Variants in TANC1 observed in about 807,000 individuals in gnomAD.
TANC1 encodes tetratricopeptide repeat, ankyrin repeat and coiled-coil containing 1, also known as protein TANC1.
A neutral mutation model predicts 149.7 loss-of-function variants in TANC1; 77 were observed. That is an observed-to-expected ratio of 0.51 (90% CI 0.43 to 0.62). The LOEUF is 0.62. Ranked by LOEUF, TANC1 falls within the 20% of genes least tolerant of loss-of-function variation. The pLI is 0.00. For synonymous variants in TANC1, 854 were observed against 925.0 expected (o/e 0.92, Z 1.39); for missense variants, 1,985 against 2,321.8 (o/e 0.85, Z 2.98).
chr2:159,125,463 A>G (rs2150122920), intron 4 of TANC1, among the ~76,000 whole-genome samples: 1 of 152,310 alleles, frequency 6.6e-6, no homozygotes, highest in Non-Finnish European at 1.5e-5. Flanking sequence ...TCAAGACGGT[A>G]GCAGGGTGGT....
chr2:159,159,703 TGTGTGTGTGTGTGTGAGAGAGAGAGA>T (rs2053815084), intron 7 of TANC1, among the ~76,000 whole-genome samples: 1 of 62,184 alleles, frequency 1.6e-5, no homozygotes, highest in Non-Finnish European at 3.6e-5. Context: ...TGTGTGTGTG[TGTGTGTGTGTGTGTGAGAGAGAGAGA>T]GAGAGAGAGA....
chr2:159,020,124 A>T (rs2038694523), intron 2 of TANC1, among the ~76,000 whole-genome samples: 2 of 151,820 alleles, frequency 1.3e-5, no homozygotes, highest in Admixed American at 6.6e-5. Context: ...TTTATTTTTT[A>T]TTTTTATTTT....
rs141840812 is a variant in TANC1, at chr2:159,127,006, C to T, written c.260-9188C>T. On this transcript the variant is annotated intron_variant, in intron 4 of 26. Coordinates refer to ENST00000263635, the MANE Select transcript of TANC1 (RefSeq NM_033394.3). ...GAAAGCAGAAATGTTACTCAAGTTA[C>T]TTTGTTGTACTAGGAGCTTATTGTA... 6.2e-3 allele frequency among the ~76,000 whole-genome samples: 947 copies of T among 152,320 alleles called. 3 individuals are homozygous for T. The highest frequency in any genetic ancestry group is 9.1e-3 in the Non-Finnish European group (622 of 68,022).
intron 22 of TANC1, 35 bp from the exon 23 acceptor site, chr2:159,224,197 C>A: frequency 6.2e-7 from 1 of 1,612,776 alleles, no homozygotes; most frequent in South Asian, 1.1e-5. Context: ...AACTCCTGTT[C>A]CCAGCTGCTG....
At chr2:159,018,380 T>C (rs778912629) in intron 2 of TANC1, among the ~76,000 whole-genome samples, 13 of 152,326 alleles carry the variant, frequency 8.5e-5, no homozygotes, top group South Asian at 2.1e-4. Context: ...CATGAACTTA[T>C]AGTGCATTGG....
chr2:159,008,607 G>A (rs1160008409), intron 2 of TANC1, among the ~76,000 whole-genome samples: 1 of 152,134 alleles, frequency 6.6e-6, no homozygotes, highest in Non-Finnish European at 1.5e-5. Flanking sequence ...GACCATGAGA[G>A]GATTTTTTCT....
intron 2 of TANC1, among the ~76,000 whole-genome samples, chr2:159,034,306 G>T (rs2040010367): frequency 6.6e-6 from 1 of 152,064 alleles, no homozygotes; most frequent in Admixed American, 6.5e-5. Flanking sequence ...TCTCTTCCCT[G>T]GTCCATTTGC....
chr2:159,174,708 A>T (rs928025300), intron 11 of TANC1, among the ~76,000 whole-genome samples: 19 of 152,354 alleles, frequency 1.2e-4, no homozygotes, highest in Admixed American at 1.2e-3. Flanking sequence ...AAAAATAAAA[A>T]AATAACTTGT....
At chr2:159,083,698 A>T (rs1247535526) in intron 3 of TANC1, among the ~76,000 whole-genome samples, 1 of 152,230 alleles carries the variant, frequency 6.6e-6, no homozygotes, top group Non-Finnish European at 1.5e-5. Context: ...CTCTTTTCCC[A>T]GAGTAACACT....
chr2:159,131,558 C>T (rs1247775988), intron 4 of TANC1, among the ~76,000 whole-genome samples: 5 of 144,766 alleles, frequency 3.5e-5, no homozygotes, highest in Non-Finnish European at 7.6e-5. Context: ...CTTTCTGCTC[C>T]ACCTGCTCCA....
intron 2 of TANC1, among the ~76,000 whole-genome samples, chr2:159,025,189 T>TTTTCTCTCTTTCTTTCTTTC (rs2039185631): frequency 9.5e-6 from 1 of 105,220 alleles, no homozygotes; most frequent in East Asian, 2.7e-4. Flanking sequence ...TTTTTCTTTC[T>TTTTCTCTCTTTCTTTCTTTC]TTTCTTTCTT....
rs112633380 is a variant in TANC1 at position 159,056,866 on chromosome 2, T to G, written c.-15-9030T>G. 45 of 311,766 alleles carry G rather than the reference T, an allele frequency of 1.4e-4. 1 individual carries two copies. The highest frequency in any genetic ancestry group is 8.9e-4 in the African/African-American group (42 of 47,244). 19.3% of individuals were successfully genotyped at this position (311,766 alleles called of 1,614,324 possible). On this transcript the variant is annotated intron_variant, in intron 2 of 26. Coordinates refer to ENST00000263635, the MANE Select transcript of TANC1 (RefSeq NM_033394.3). The stretch of plus-strand genomic sequence containing the variant: ...AGCCATTGGCTTCAATCATAGGAGT[T>G]TCCTGGCATGTGTACCATTTCTCCT...
chr2:159,169,496 T>C, intron 9 of TANC1, 124 bp downstream of exon 9: 1 of 1,035,890 alleles, frequency 9.7e-7, no homozygotes, highest in Non-Finnish European at 1.4e-6. Context: ...GTGTTTGTGC[T>C]AAAAGCATAT....
At position 159,103,033 on chromosome 2, in the gene TANC1, A is replaced by T. The variant is rs1360271957; in HGVS notation, c.259+5199A>T. ...CCTCCCAGCCAGATACTTACTTTTT[A>T]AAAAAATTTTTAGCATGTTATAATG... is the stretch of plus-strand genomic sequence containing the variant. On this transcript the variant is annotated intron_variant, in intron 4 of 26. Transcript: ENST00000263635. Among the ~76,000 whole-genome samples, 3 of 95,102 alleles carry T rather than the reference A, an allele frequency of 3.2e-5. 1 individual carries two copies. The highest frequency in any genetic ancestry group is 8.8e-5 in the Non-Finnish European group (3 of 34,262). The allele number at this position is 95,102 out of a possible 152,430, so 62.4% of individuals were successfully genotyped here. A position where few individuals can be genotyped will look rare whatever the true frequency, so the allele number is the denominator to read the frequency against.
intron 1 of TANC1, among the ~76,000 whole-genome samples, chr2:158,994,402 T>C (rs2035953298): frequency 6.6e-6 from 1 of 152,206 alleles, no homozygotes; most frequent in Non-Finnish European, 1.5e-5. Flanking sequence ...CCTGAGTAGC[T>C]AGGACTACAG....
intron 2 of TANC1, among the ~76,000 whole-genome samples, chr2:159,009,672 A>G (rs1218935105): frequency 2.0e-5 from 3 of 152,192 alleles, no homozygotes; most frequent in Non-Finnish European, 4.4e-5. Flanking sequence ...AATAAGTCCT[A>G]GTGTCCTATA....
At chr2:159,023,705 G>A (rs1240510658) in intron 2 of TANC1, among the ~76,000 whole-genome samples, 2 of 152,172 alleles carry the variant, frequency 1.3e-5, no homozygotes, top group African/African-American at 4.8e-5. Context: ...AGTGGCTCAC[G>A]CCTGTAATCC....
chr2:159,177,555 A>ACT (rs1192987278), intron 13 of TANC1, among the ~76,000 whole-genome samples: 1 of 152,208 alleles, frequency 6.6e-6, no homozygotes. Context: ...TTTTTTACAT[A>ACT]GTAAGCACAA....
At chr2:159,048,980 T>C (rs1234872870) in intron 2 of TANC1, among the ~76,000 whole-genome samples, 1 of 152,226 alleles carries the variant, frequency 6.6e-6, no homozygotes, top group East Asian at 1.9e-4. Flanking sequence ...ACTTTTGTGC[T>C]GTACCACAAT....
Sources: allele counts gnomAD v4.1 joint callset (sites outside exome capture counted in the v4.1 genomes callset), GRCh38; gene constraint gnomAD v4.1.1; transcripts MANE v1.5; gene names NCBI Gene and HGNC (gene_info 2026-07-23, HGNC 2026-07-21).